The following ROBO2 variants were observed in gnomAD, a reference collection of about 807,000 sequenced individuals.
The protein encoded by ROBO2 is roundabout guidance receptor 2.
In ROBO2, 53 loss-of-function variants were observed where a neutral mutation model predicts 160.8. That is an observed-to-expected ratio of 0.33 (90% CI 0.26 to 0.41). The LOEUF (loss-of-function observed/expected upper bound fraction) is 0.41. Among genes scored for constraint, ROBO2 ranks in the 10% least tolerant of loss-of-function variants. The probability of loss-of-function intolerance (pLI) is 1.00; values close to 1 mark genes in which losing one functional copy is unlikely to be tolerated. For synonymous variants in ROBO2, 664 were observed against 611.7 expected (o/e 1.09, Z -1.26); for missense variants, 1,577 against 1,722.4 (o/e 0.92, Z 1.49).
chr3:76,024,709 T>A (rs2066682226), intron 2 of ROBO2, among the ~76,000 whole-genome samples: 2 of 151,646 alleles, frequency 1.3e-5, no homozygotes, highest in African/African-American at 4.8e-5. Context: ...CATTTAATTG[T>A]GTTTTCTAAT....
intron 2 of ROBO2, among the ~76,000 whole-genome samples, chr3:76,629,985 A>G (rs1249693634): frequency 6.6e-6 from 1 of 151,978 alleles, no homozygotes; most frequent in Non-Finnish European, 1.5e-5. Context: ...ATCTCTTTTG[A>G]CATAGAATCA....
intron 2 of ROBO2, among the ~76,000 whole-genome samples, chr3:76,140,395 C>A (rs926526225): frequency 1.3e-5 from 2 of 151,906 alleles, no homozygotes; most frequent in African/African-American, 4.8e-5. Context: ...CTGAGCCAAG[C>A]ACTATTTCAT....
rs527917727 is a variant in ROBO2 at position 75,947,871 on chromosome 3, T to G, written c.109+10269T>G. Among the ~76,000 whole-genome samples the G allele has an allele frequency of 5.3e-5, 8 of 152,184 alleles. No individual in the cohort carries two copies. In the South Asian group the frequency reaches 1.7e-3, roughly 32 times the overall value. On this transcript the variant is annotated intron_variant, in intron 2 of 26. Transcript: ENST00000487694. ...AAGAAAGCCCATGGGAGGATGACAT[T>G]ATGTCTGGCCAAAGATTTAGGGAAG...
At chr3:77,433,021 C>T (rs943348580) in intron 2 of ROBO2, among the ~76,000 whole-genome samples, 4 of 152,060 alleles carry the variant, frequency 2.6e-5, no homozygotes, top group South Asian at 2.1e-4. Context: ...CTTTATTTGG[C>T]GACAATGCCT....
At chr3:77,035,857 A>G (rs1193826220), upstream of ROBO2, among the ~76,000 whole-genome samples, 1 of 151,958 alleles carries the variant, frequency 6.6e-6, no homozygotes, top group Admixed American at 6.6e-5. Flanking sequence ...TTTGTAGATA[A>G]TAACACATAC....
intron 6 of ROBO2, among the ~76,000 whole-genome samples, chr3:77,537,936 A>G (rs1015834201): frequency 6.6e-6 from 1 of 152,044 alleles, no homozygotes; most frequent in Non-Finnish European, 1.5e-5. Context: ...ACCCGTGGGA[A>G]TTGTGGGAGG....
At chr3:76,446,017 A>G (rs1018267763) in intron 2 of ROBO2, among the ~76,000 whole-genome samples, 2 of 152,162 alleles carry the variant, frequency 1.3e-5, no homozygotes, top group African/African-American at 2.4e-5. Flanking sequence ...CCTATTCAAC[A>G]TAGTGTTGGA....
chr3:77,145,355 A>T (rs995587642), intron 2 of ROBO2, among the ~76,000 whole-genome samples: 2 of 152,226 alleles, frequency 1.3e-5, no homozygotes, highest in Admixed American at 1.3e-4. Flanking sequence ...TTAACAAAAA[A>T]ATGTGTATTT....
intron 2 of ROBO2, among the ~76,000 whole-genome samples, chr3:76,393,468 T>A (rs911868016): frequency 3.9e-5 from 6 of 152,166 alleles, no homozygotes; most frequent in Admixed American, 1.3e-4. Context: ...TTAAATAGCA[T>A]TGTAAGGAAA....
intron 2 of ROBO2, among the ~76,000 whole-genome samples, chr3:76,523,501 G>A (rs1387744505): frequency 6.6e-6 from 1 of 152,006 alleles, no homozygotes; most frequent in Non-Finnish European, 1.5e-5. Context: ...CTCACACAGA[G>A]AGTTAGTGTC....
At chr3:77,643,571 G>C (rs1336095718) in intron 24 of ROBO2, among the ~76,000 whole-genome samples, 1 of 152,098 alleles carries the variant, frequency 6.6e-6, no homozygotes, top group African/African-American at 2.4e-5. Context: ...TTTTTTTGGG[G>C]GGAGAGGTGT....
At chr3:77,337,062 A>T (rs1266941695) in intron 2 of ROBO2, among the ~76,000 whole-genome samples, 2 of 152,192 alleles carry the variant, frequency 1.3e-5, no homozygotes, top group Non-Finnish European at 2.9e-5. Flanking sequence ...TTTCATTGCA[A>T]TTTTTATAGG....
chr3:77,445,805 T>G (rs1181391647), intron 2 of ROBO2, among the ~76,000 whole-genome samples: 3 of 150,898 alleles, frequency 2.0e-5, no homozygotes, highest in East Asian at 3.9e-4. Context: ...TTTTTTTTTT[T>G]TTTTTTGCTA....
chr3:76,004,273 AC>A lies in ROBO2; in HGVS notation c.109+66672del, dbSNP rs533234049. Among the ~76,000 whole-genome samples the A allele has an allele frequency of 2.4e-3, 366 of 152,318 alleles. 1 individual carries two copies. Among genetic ancestry groups the A allele is most frequent in the Non-Finnish European group, 2.5e-4 (17 of 68,032 alleles). ...AAGCATTAAGTAAACTCAATAAAAA[AC>A]AATCAAGGCTACATAGTATATGATT... On this transcript the variant is annotated intron_variant, in intron 2 of 26. Transcript: ENST00000487694.
intron 2 of ROBO2, among the ~76,000 whole-genome samples, chr3:76,214,674 C>T (rs1446932472): frequency 6.6e-6 from 1 of 152,248 alleles, no homozygotes; most frequent in African/African-American, 2.4e-5. Flanking sequence ...GAAGCTTGAA[C>T]TGGGTCGAGC....
intron 2 of ROBO2, among the ~76,000 whole-genome samples, chr3:76,655,826 A>C (rs1304210013): frequency 6.6e-6 from 1 of 151,674 alleles, no homozygotes; most frequent in Non-Finnish European, 1.5e-5. Context: ...ATACATCATA[A>C]ACTAGAGATT....
chr3:76,564,448 C>A (rs1294042363), intron 2 of ROBO2, among the ~76,000 whole-genome samples: 2 of 151,452 alleles, frequency 1.3e-5, no homozygotes, highest in Non-Finnish European at 2.9e-5. Flanking sequence ...ATCTCTTAGT[C>A]TGCAATGACC....
intron 2 of ROBO2, among the ~76,000 whole-genome samples, chr3:76,925,023 A>G (rs993912371): frequency 6.6e-6 from 1 of 151,790 alleles, no homozygotes; most frequent in African/African-American, 2.4e-5. Context: ...CCCGGCTAAA[A>G]CGGTGAAACC....
At chr3:76,519,019 C>T (rs182483466) in intron 2 of ROBO2, among the ~76,000 whole-genome samples, 1 of 152,154 alleles carries the variant, frequency 6.6e-6, no homozygotes, top group Non-Finnish European at 1.5e-5. Context: ...ATTTGTGAGC[C>T]AGGGGTGACC....
Sources: gnomAD v4.1 joint callset for allele counts (sites outside exome capture counted in the v4.1 genomes callset) on GRCh38, gnomAD v4.1.1 for gene constraint, MANE v1.5 for transcripts, NCBI Gene and HGNC (gene_info 2026-07-23, HGNC 2026-07-21) for gene names.